The following AKAIN1 variants were observed in gnomAD, a reference collection of about 807,000 sequenced individuals.
AKAIN1 encodes the protein A-kinase anchor protein inhibitor 1.
In AKAIN1, 3 loss-of-function variants were observed where a neutral mutation model predicts 3.7. The observed-to-expected ratio is 0.82, with a 90% CI of 0.37 to 2.12. The LOEUF (loss-of-function observed/expected upper bound fraction) is 2.12, where lower values mean the gene tolerates loss of function less well. Among genes scored for constraint, AKAIN1 ranks in the 30% most tolerant of loss-of-function variants. AKAIN1 has a pLI of 0.06. For missense variants in AKAIN1, 82 were observed against 82.7 expected (o/e 0.99, Z 0.03); for synonymous variants, 31 against 30.8 (o/e 1.01, Z -0.02).
intron 1 of AKAIN1, among the ~76,000 whole-genome samples, chr18:5,149,859 T>C (rs1055001317): frequency 5.9e-5 from 9 of 152,202 alleles, no homozygotes; most frequent in Non-Finnish European, 8.8e-5. Flanking sequence ...TGTTTTTGTT[T>C]TTTTCTGATG....
intron 1 of AKAIN1, among the ~76,000 whole-genome samples, chr18:5,163,277 T>C (rs1212900956): frequency 2.0e-5 from 3 of 151,790 alleles, no homozygotes; most frequent in Non-Finnish European, 4.4e-5. Context: ...GAAACAAGAG[T>C]CAAGCACTAA....
chr18:5,185,572 T>G (rs1246708295), intron 1 of AKAIN1, among the ~76,000 whole-genome samples: 2 of 152,088 alleles, frequency 1.3e-5, no homozygotes, highest in African/African-American at 4.8e-5. Context: ...AAGACATACA[T>G]GTAGCCAATA....
intron 1 of AKAIN1, among the ~76,000 whole-genome samples, chr18:5,163,080 G>A (rs1382594102): frequency 6.6e-6 from 1 of 152,014 alleles, no homozygotes; most frequent in Non-Finnish European, 1.5e-5. Flanking sequence ...CAGCCACCCT[G>A]TTCTTCAATG....
intron 1 of AKAIN1, among the ~76,000 whole-genome samples, chr18:5,149,806 T>A (rs763494896): frequency 6.6e-6 from 1 of 152,232 alleles, no homozygotes; most frequent in Non-Finnish European, 1.5e-5. Flanking sequence ...ATTATCCTTA[T>A]AAAGCAGCAC....
At chr18:5,180,698 G>C (rs1487776834) in intron 1 of AKAIN1, among the ~76,000 whole-genome samples, 2 of 152,084 alleles carry the variant, frequency 1.3e-5, no homozygotes, top group Non-Finnish European at 1.5e-5. Context: ...CCTGGTTGGA[G>C]AGTGATTAAA....
In AKAIN1 at chr18:5,149,165, G is replaced by A. The variant is rs539682537; in HGVS notation, c.17-3410C>T. ...CTCTCACTGCCCTCATTACCACTTCGTTTTGGATCACACATACCTGCAGGG... is the reference window on the plus strand; with the variant it reads ...CTCTCACTGCCCTCATTACCACTTCATTTTGGATCACACATACCTGCAGGG... On this transcript the variant is annotated intron_variant, in intron 1 of 1. Coordinates refer to ENST00000434239, the MANE Select transcript of AKAIN1 (RefSeq NM_001145194.2). Among the ~76,000 whole-genome samples the A allele has an allele frequency of 7.9e-5, 12 of 152,300 alleles. No individual in the cohort carries two copies. The South Asian group carries it at 1.5e-3, about 18-fold the overall frequency.
At position 5,145,503 on chromosome 18, in the gene AKAIN1, G is replaced by A. The variant is rs1017723668; in HGVS notation, c.*59C>T. 19 of 1,426,162 alleles carry A rather than the reference G, an allele frequency of 1.3e-5. No individual in the cohort carries two copies. Among genetic ancestry groups the A allele is most frequent in the Admixed American group, 2.0e-5 (1 of 49,364 alleles). 88.3% of individuals were successfully genotyped at this position (1,426,162 alleles called of 1,614,324 possible). ...TTTACTGGCAACATTTTGGAGATGC[G>A]TCCTATACTAAGAGGAAGGCTAGAA... On this transcript the variant is annotated 3_prime_UTR_variant, in exon 2 of 2. Transcript: ENST00000434239.
chr18:5,182,447 C>A (rs1335230361), intron 1 of AKAIN1, among the ~76,000 whole-genome samples: 1 of 152,076 alleles, frequency 6.6e-6, no homozygotes, highest in Non-Finnish European at 1.5e-5. Context: ...TTATGATATT[C>A]ATTTTTCAAA....
intron 1 of AKAIN1, among the ~76,000 whole-genome samples, chr18:5,170,195 T>A (rs2071189716): frequency 1.3e-5 from 2 of 152,140 alleles, no homozygotes; most frequent in Admixed American, 6.6e-5. Flanking sequence ...TGCAACAGAA[T>A]ACAAATATAC....
chr18:5,172,466 A>AT (rs1449076871), intron 1 of AKAIN1, among the ~76,000 whole-genome samples: 2 of 152,100 alleles, frequency 1.3e-5, no homozygotes, highest in African/African-American at 2.4e-5. Context: ...TTTAAAAAAA[A>AT]TTTTAAAGAA....
chr18:5,182,098 C>A (rs941683039), intron 1 of AKAIN1, among the ~76,000 whole-genome samples: 2 of 152,104 alleles, frequency 1.3e-5, no homozygotes, highest in South Asian at 4.1e-4. Context: ...CTTTAAACAG[C>A]AACTTTCCAT....
intron 1 of AKAIN1, among the ~76,000 whole-genome samples, chr18:5,190,961 T>C (rs1419419389): frequency 3.3e-5 from 5 of 152,156 alleles, no homozygotes; most frequent in African/African-American, 7.2e-5. Context: ...TGAGGGAACA[T>C]TTGAAAATAT....
At chr18:5,167,031 A>G (rs904464245) in intron 1 of AKAIN1, among the ~76,000 whole-genome samples, 7 of 152,074 alleles carry the variant, frequency 4.6e-5, no homozygotes, top group Non-Finnish European at 7.4e-5. Flanking sequence ...CATGAAGGAC[A>G]TTACTCATGA....
Position 5,197,151 on chromosome 18 carries a change from G to C in AKAIN1, c.-98C>G. The C allele has an allele frequency of 6.5e-7, 1 of 1,527,082 alleles. No homozygotes were observed. The allele number at this position is 1,527,082 out of a possible 1,614,324, so 94.6% of individuals were successfully genotyped here. A position where few individuals can be genotyped will look rare whatever the true frequency, so the allele number is the denominator to read the frequency against. ...ACTTGGCGGGGTCCGGTGCAGGAGG[G>C]CGCGCTGGGCGGGCGGCGGGCGGGG... is the stretch of plus-strand genomic sequence containing the variant. On this transcript the variant is annotated 5_prime_UTR_variant, in exon 1 of 2. Coordinates refer to ENST00000434239, the MANE Select transcript of AKAIN1 (RefSeq NM_001145194.2). The surrounding 1 kb of genome is among the most constrained non-coding windows in gnomAD (Gnocchi z 6.9).
intron 1 of AKAIN1, among the ~76,000 whole-genome samples, chr18:5,168,151 G>A (rs1268688783): frequency 6.6e-6 from 1 of 152,046 alleles, no homozygotes; most frequent in Non-Finnish European, 1.5e-5. Flanking sequence ...AACAATGTGT[G>A]CTTTATTTAT....
intron 1 of AKAIN1, among the ~76,000 whole-genome samples, chr18:5,146,555 A>G (rs2045376038): frequency 6.6e-6 from 1 of 152,254 alleles, no homozygotes; most frequent in Non-Finnish European, 1.5e-5. Context: ...ATCAAGGTCA[A>G]CTTTGCTCCT....
intron 1 of AKAIN1, among the ~76,000 whole-genome samples, chr18:5,150,588 G>A (rs2071074518): frequency 1.3e-5 from 2 of 152,060 alleles, no homozygotes; most frequent in African/African-American, 4.8e-5. Context: ...ATTTTTACTT[G>A]CCTCTCCTCA....
chr18:5,166,024 C>T (rs1300158098), intron 1 of AKAIN1, among the ~76,000 whole-genome samples: 2 of 152,002 alleles, frequency 1.3e-5, no homozygotes. Context: ...ATTCAAATTT[C>T]TAAAATGTGC....
intron 1 of AKAIN1, among the ~76,000 whole-genome samples, chr18:5,191,835 G>T (rs1249510045): frequency 2.0e-5 from 3 of 152,046 alleles, no homozygotes; most frequent in Admixed American, 2.0e-4. Context: ...ACATAATGAG[G>T]TATCTTGTGA....
Sources: gnomAD v4.1 joint callset for allele counts (sites outside exome capture counted in the v4.1 genomes callset) on GRCh38, gnomAD v4.1.1 for gene constraint, Gnocchi (gnomAD v3.1) non-coding constraint, MANE v1.5 for transcripts, NCBI Gene and HGNC (gene_info 2026-07-23, HGNC 2026-07-21) for gene names.